Variants in COL5A3 observed in about 807,000 individuals in gnomAD.
The protein encoded by COL5A3 is collagen type V alpha 3 chain, also known as collagen alpha-3(V) chain.
COL5A3 carries 172 observed loss-of-function variants against 250.0 expected under a neutral mutation model. The observed-to-expected ratio is 0.69, with a 90% confidence interval of 0.61 to 0.78. The LOEUF (loss-of-function observed/expected upper bound fraction) is 0.78. Among genes scored for constraint, COL5A3 ranks in the 30% least tolerant of loss-of-function variants. The pLI is 0.00. For synonymous variants in COL5A3, 937 were observed against 900.4 expected (o/e 1.04, Z -0.73); for missense variants, 2,340 against 2,334.4 (o/e 1.00, Z -0.05).
At position 9,986,430 on chromosome 19, in the gene COL5A3, A is replaced by T. The variant is rs775119233; in HGVS notation, c.2245-8T>A. ...TGGAGCTCCGGGTTTCCCCTGGAAG[A>T]AAAAGGAGAGTATTTAATATCCATC... On this transcript the variant is annotated splice_polypyrimidine_tract_variant and splice_region_variant and intron_variant, in intron 29 of 66. Transcript: ENST00000264828. 2.9e-5 allele frequency: 46 copies of T among 1,612,904 alleles called. No individual in the cohort carries two copies. The highest frequency in any genetic ancestry group is 3.7e-5 in the Non-Finnish European group (44 of 1,179,272).
At chr19:10,008,198 C>T (rs1382748704) in intron 1 of COL5A3, among the ~76,000 whole-genome samples, 1 of 152,134 alleles carries the variant, frequency 6.6e-6, no homozygotes, top group Non-Finnish European at 1.5e-5. Context: ...CGACCTCACC[C>T]AGCCTGGAGG....
rs1433766161 is a variant in COL5A3 at position 9,980,801 on chromosome 19, C to T, written c.2559+5G>A. Reference sequence around the variant, plus strand: ...GGGGGCCTTGATTGCCCACCCATCCCATACCTTGGGGCCTGGTTGCCCTGT... The same window carrying T: ...GGGGGCCTTGATTGCCCACCCATCCTATACCTTGGGGCCTGGTTGCCCTGT... On this transcript the variant is annotated splice_donor_5th_base_variant and intron_variant, in intron 34 of 66. Transcript: ENST00000264828. The T allele has an allele frequency of 6.2e-7, 1 of 1,613,112 alleles. No individual in the cohort carries two copies. The highest frequency in any genetic ancestry group is 1.3e-5 in the African/African-American group (1 of 74,952).
intron 47 of COL5A3, 99 bp from the exon 48 acceptor site, chr19:9,974,071 G>A (rs1464551642): frequency 6.6e-7 from 1 of 1,524,780 alleles, no homozygotes; most frequent in Non-Finnish European, 8.9e-7. Flanking sequence ...TGACCCTCAG[G>A]GCCCTTAAAA....
In COL5A3 at chr19:9,977,947, CAT is replaced by C. The variant is rs372091609; in HGVS notation, c.3019-248_3019-247del. ...GCCATAGTCCTCCTGGCAGCCTATA[CAT>C]ATATATATATATATATATATATATA... On this transcript the variant is annotated intron_variant, in intron 41 of 66. Coordinates refer to ENST00000264828, the MANE Select transcript of COL5A3 (RefSeq NM_015719.4). 4.9e-3 allele frequency among the ~76,000 whole-genome samples: 521 copies of C among 106,088 alleles called. 3 individuals carry two copies. The highest frequency in any genetic ancestry group is 0.016 in the South Asian group (43 of 2,704). The allele number at this position is 106,088 out of a possible 152,430, so 69.6% of individuals were successfully genotyped here.
intron 50 of COL5A3, among the ~76,000 whole-genome samples, chr19:9,973,253 A>T (rs1160582027): frequency 6.6e-6 from 1 of 152,178 alleles, no homozygotes; most frequent in Non-Finnish European, 1.5e-5. Flanking sequence ...GGCCTAGCCC[A>T]TGTGCTGCCC....
In COL5A3 at chr19:10,004,103, C is replaced by T. The variant is rs1218935816; in HGVS notation, c.637G>A (p.Ala213Thr). 1.9e-6 allele frequency: 3 copies of T among 1,613,966 alleles called. No individual in the cohort carries two copies. Among genetic ancestry groups the T allele is most frequent in the Middle Eastern group, 1.6e-4 (1 of 6,084 alleles). ...AGGTACCGCTCACAAGCCTGGAAGG[C>T]AGCCTGAGGATCTGGGCTTATCAGC... The part of the protein sequence containing the change: ...ELLISPDPQA[A>T]FQACERYLPD... The change falls in exon 5 of 67, where the codon GCC becomes ACC. Residue 213 changes from alanine (A) to threonine (T), a missense_variant. Physicochemically the swap from Ala to Thr is moderately conservative, Grantham distance 58. This residue lies in a region of COL5A3 where 1,152 missense variants were observed against 1,146.3 expected (regional missense o/e 1.00). Coordinates refer to ENST00000264828, the MANE Select transcript of COL5A3 (RefSeq NM_015719.4).
intron 40 of COL5A3, 27 bp downstream of exon 40, chr19:9,978,864 T>A: frequency 7.8e-7 from 1 of 1,289,200 alleles, no homozygotes; most frequent in Non-Finnish European, 1.0e-6. Context: ...CTAAGGGACA[T>A]GCAGGAGGGT....
intron 49 of COL5A3, 64 bp downstream of exon 49, chr19:9,973,691 GT>G: frequency 6.2e-7 from 1 of 1,611,502 alleles, no homozygotes; most frequent in Non-Finnish European, 8.5e-7. Flanking sequence ...TCCCCAGAAT[GT>G]CCCTGCCCAA....
At chr19:9,969,550 C>A (rs201765092) in intron 56 of COL5A3, 25 bp downstream of exon 56, 1 of 1,607,744 alleles carries the variant, frequency 6.2e-7, no homozygotes. Flanking sequence ...TCCACCCTGT[C>A]CCACCCCTGC....
chr19:9,984,660 T>C (rs973980664), intron 31 of COL5A3, among the ~76,000 whole-genome samples: 1 of 152,126 alleles, frequency 6.6e-6, no homozygotes, highest in Admixed American at 6.6e-5. Context: ...ATTATTATAA[T>C]CAAATTGATG....
intron 51 of COL5A3, 71 bp downstream of exon 51, chr19:9,972,848 A>AT: frequency 8.9e-7 from 1 of 1,118,822 alleles, no homozygotes; most frequent in Non-Finnish European, 1.2e-6. Context: ...AAAAAAAAAA[A>AT]GTTTGGGAGA....
intron 1 of COL5A3, among the ~76,000 whole-genome samples, chr19:10,007,054 C>A (rs1312635384): frequency 6.6e-6 from 1 of 150,710 alleles, no homozygotes; most frequent in Non-Finnish European, 1.5e-5. Flanking sequence ...CTCCCTCTGA[C>A]TTTCCCCTTT....
chr19:10,010,438 G>A lies in COL5A3; in HGVS notation c.-53C>T, dbSNP rs2087514082. On this transcript the variant is annotated 5_prime_UTR_variant, in exon 1 of 67. Transcript: ENST00000264828. ...GAACCAGTCGGGGCGGCTGCGGGGCGCGGCGACTTCTCGGGCTCGGTGCAG... is the reference window on the plus strand; with the variant it reads ...GAACCAGTCGGGGCGGCTGCGGGGCACGGCGACTTCTCGGGCTCGGTGCAG... 5.7e-6 allele frequency: 7 copies of A among 1,227,168 alleles called. No individual in the cohort carries two copies. The highest frequency in any genetic ancestry group is 4.1e-5 in the Admixed American group (1 of 24,268). 76.0% of individuals were successfully genotyped at this position (1,227,168 alleles called of 1,614,324 possible).
At chr19:9,980,986 C>T in intron 33 of COL5A3, 102 bp downstream of exon 33, 19 of 1,518,406 alleles carry the variant, frequency 1.3e-5, no homozygotes, top group Non-Finnish European at 1.6e-5. Flanking sequence ...ATTGATATAA[C>T]CCAAACCCTT....
Position 9,983,971 on chromosome 19 carries a change from C to T in COL5A3, c.2407-1853G>A, listed in dbSNP as rs185936331. On this transcript the variant is annotated intron_variant, in intron 31 of 66. Coordinates refer to ENST00000264828, the MANE Select transcript of COL5A3 (RefSeq NM_015719.4). The stretch of plus-strand genomic sequence containing the variant: ...GGCAAGATAACTATCAGCTCAACAG[C>T]ACAAAAATGTGAAACTCTAGGAGGA... Among the ~76,000 whole-genome samples the T allele has an allele frequency of 6.0e-4, 91 of 150,910 alleles. 1 individual carries two copies. Among genetic ancestry groups the T allele is most frequent in the Admixed American group, 1.2e-3 (18 of 15,160 alleles).
chr19:9,961,336 G>C (rs2086669232), intron 65 of COL5A3, among the ~76,000 whole-genome samples: 1 of 151,836 alleles, frequency 6.6e-6, no homozygotes, highest in Admixed American at 6.6e-5. Context: ...TTGAAGGAGG[G>C]ATTTTTTTTT....
Position 9,989,190 on chromosome 19 carries a change from TAAG to T in COL5A3, c.2092-16_2092-14del. 2 of 1,614,002 alleles carry T rather than the reference TAAG, an allele frequency of 1.2e-6. No individual in the cohort carries two copies. Among genetic ancestry groups the T allele is most frequent in the Non-Finnish European group, 1.7e-6 (2 of 1,179,950 alleles). On this transcript the variant is annotated splice_polypyrimidine_tract_variant and intron_variant, in intron 26 of 66. Transcript: ENST00000264828. Reference sequence around the variant, plus strand: ...ACCCTGGTGGACCCTGGGAGGAAAATAAGGTCAGTGCCATTCTAGACAGTCCCT... The same window carrying T: ...ACCCTGGTGGACCCTGGGAGGAAAATGTCAGTGCCATTCTAGACAGTCCCT...
chr19:10,004,621 G>A (rs1443049795), intron 4 of COL5A3, among the ~76,000 whole-genome samples: 5 of 152,096 alleles, frequency 3.3e-5, no homozygotes. Context: ...ATGAGCCACC[G>A]CGCCCGGCCA....
At chr19:10,004,286 G>A (rs2087408338) in intron 4 of COL5A3, 141 bp from the exon 5 acceptor site, 2 of 641,582 alleles carry the variant, frequency 3.1e-6, no homozygotes, top group East Asian at 5.5e-5. Context: ...TAAGTATAAG[G>A]AAGAGATGAC....
Sources: gnomAD v4.1 joint callset for allele counts (sites outside exome capture counted in the v4.1 genomes callset) on GRCh38, gnomAD v4.1.1 for gene constraint, gnomAD v4.1.1 regional missense constraint, MANE v1.5 for transcripts, NCBI Gene and HGNC (gene_info 2026-07-23, HGNC 2026-07-21) for gene names.